The following NR5A2 variants were observed in gnomAD, a reference collection of about 807,000 sequenced individuals.
The protein encoded by NR5A2 is CYP7A promoter-binding factor.
Under a neutral mutation model 62.7 loss-of-function variants are expected in NR5A2, and 26 were observed. The observed-to-expected ratio is 0.41, with a 90% confidence interval of 0.30 to 0.58. NR5A2 has a LOEUF of 0.58. Among genes scored for constraint, NR5A2 ranks in the 20% least tolerant of loss-of-function variants. The pLI is 0.22. For synonymous variants in NR5A2, 246 were observed against 241.7 expected (o/e 1.02, Z -0.16); for missense variants, 541 against 669.1 (o/e 0.81, Z 2.11).
At chr1:200,099,418 C>T (rs954012780) in intron 5 of NR5A2, among the ~76,000 whole-genome samples, 5 of 151,774 alleles carry the variant, frequency 3.3e-5, no homozygotes, top group South Asian at 2.1e-4. Context: ...AAGGGAGCCA[C>T]GGAGCATGCC....
intron 7 of NR5A2, among the ~76,000 whole-genome samples, chr1:200,135,883 C>A (rs964080475): frequency 6.6e-6 from 1 of 152,172 alleles, no homozygotes; most frequent in Non-Finnish European, 1.5e-5. Context: ...TTCTCAGATA[C>A]AATCTTTGGT....
chr1:200,174,247 A>C lies in NR5A2; in HGVS notation c.*37A>C. 6.7e-7 allele frequency: 1 copy of C among 1,498,160 alleles called. No individual in the cohort carries two copies. The highest frequency in any genetic ancestry group is 1.5e-5 in the South Asian group (1 of 68,814). 92.8% of individuals were successfully genotyped at this position (1,498,160 alleles called of 1,614,324 possible). A position where few individuals can be genotyped will look rare whatever the true frequency, so the allele number is the denominator to read the frequency against. On this transcript the variant is annotated 3_prime_UTR_variant, in exon 8 of 8. Transcript: ENST00000367362. ...TAGGAGCTCTGCTTTCAAAACAAAA[A>C]GAGATTGGGGGAGTGGGGAGGGGGA... is the stretch of plus-strand genomic sequence containing the variant.
intron 7 of NR5A2, among the ~76,000 whole-genome samples, chr1:200,135,456 G>A (rs1392997034): frequency 2.0e-5 from 3 of 152,048 alleles, no homozygotes; most frequent in Non-Finnish European, 2.9e-5. Context: ...GGGAGGTGGA[G>A]GTTGCGGCAA....
chr1:200,043,719 A>G, intron 2 of NR5A2, 55 bp from the exon 3 acceptor site: 2 of 1,139,656 alleles, frequency 1.8e-6, no homozygotes, highest in East Asian at 2.4e-5. Flanking sequence ...TTGCAGGATT[A>G]ACACCTACAT....
At chr1:200,053,951 G>A (rs527680343) in intron 5 of NR5A2, 8 of 152,356 alleles carry the variant, frequency 5.3e-5, no homozygotes, top group African/African-American at 7.2e-5. Flanking sequence ...GTGCTCTGCC[G>A]TTAAAGCGGC....
chr1:200,128,674 C>T (rs776509249), intron 7 of NR5A2, among the ~76,000 whole-genome samples: 10 of 152,112 alleles, frequency 6.6e-5, no homozygotes, highest in South Asian at 2.1e-4. Context: ...TTTAGGTGGA[C>T]GAGCTCCCTG....
chr1:200,143,638 A>AT (rs11285826), intron 7 of NR5A2, among the ~76,000 whole-genome samples: 3,413 of 103,292 alleles, frequency 0.033, 160 homozygotes, highest in African/African-American at 0.082. Context: ...ATTGTTCATA[A>AT]TTTTTTTTTT....
intron 5 of NR5A2, among the ~76,000 whole-genome samples, chr1:200,053,417 C>A (rs1303730568): frequency 6.6e-6 from 1 of 152,136 alleles, no homozygotes; most frequent in East Asian, 1.9e-4. Flanking sequence ...TTTGACCCTA[C>A]CTCTTTTTAC....
chr1:200,164,027 A>G (rs963006852), intron 7 of NR5A2, among the ~76,000 whole-genome samples: 1 of 151,870 alleles, frequency 6.6e-6, no homozygotes, highest in African/African-American at 2.4e-5. Flanking sequence ...TCTTGGTGAT[A>G]GTGAGTTCTT....
At chr1:200,075,034 T>C (rs1473963755) in intron 5 of NR5A2, among the ~76,000 whole-genome samples, 1 of 152,142 alleles carries the variant, frequency 6.6e-6, no homozygotes, top group African/African-American at 2.4e-5. Context: ...GAAAAATAAG[T>C]CTTAGAATTA....
intron 5 of NR5A2, among the ~76,000 whole-genome samples, chr1:200,063,730 T>C (rs188127060): frequency 1.3e-5 from 2 of 152,320 alleles, no homozygotes; most frequent in African/African-American, 4.8e-5. Context: ...CCCTAAAACA[T>C]TTCAGCCATA....
chr1:200,110,349 A>C (rs1430901034), intron 5 of NR5A2, among the ~76,000 whole-genome samples: 4 of 152,236 alleles, frequency 2.6e-5, no homozygotes, highest in Non-Finnish European at 5.9e-5. Context: ...GAAATGGATA[A>C]ATATGCTGTC....
intron 5 of NR5A2, among the ~76,000 whole-genome samples, chr1:200,085,657 T>C (rs913327700): frequency 7.4e-6 from 1 of 134,376 alleles, no homozygotes; most frequent in African/African-American, 3.0e-5. Flanking sequence ...AATGAAGACC[T>C]ATCTCAAAAA....
Position 200,045,488 on chromosome 1 carries a change from A to G in NR5A2, c.367A>G (p.Ile123Val), listed in dbSNP as rs1032210572. The change falls in exon 4 of 8, where the codon ATA becomes GTA. Residue 123 changes from isoleucine to valine, a missense_variant. Coordinates refer to ENST00000367362, the MANE Select transcript of NR5A2 (RefSeq NM_205860.3). The part of the protein sequence containing the change: ...TVQNNKRYTC[I>V]ENQNCQIDKT... ...CCAAAATAATAAAAGGTACACATGT[A>G]TAGAAAACCAGAACTGCCAAATTGA... 2.5e-6 allele frequency: 4 copies of G among 1,612,986 alleles called. No homozygotes were observed. Among genetic ancestry groups the G allele is most frequent in the African/African-American group, 1.3e-5 (1 of 74,900 alleles).
chr1:200,038,702 TC>T, intron 1 of NR5A2: 1 of 1,366,136 alleles, frequency 7.3e-7, no homozygotes, highest in Non-Finnish European at 9.8e-7. Context: ...TCCCCTCAGA[TC>T]GAGGAAATTG....
intron 5 of NR5A2, among the ~76,000 whole-genome samples, chr1:200,101,754 G>A (rs892700348): frequency 8.5e-5 from 13 of 152,080 alleles, no homozygotes; most frequent in African/African-American, 3.1e-4. Flanking sequence ...CCAGGACTGC[G>A]GTGACAAAAT....
chr1:200,041,846 G>A (rs747978757), intron 2 of NR5A2, among the ~76,000 whole-genome samples: 1 of 152,284 alleles, frequency 6.6e-6, no homozygotes, highest in South Asian at 2.1e-4. Flanking sequence ...GGGTCCCCGA[G>A]GTAGGCACGG....
At chr1:200,060,444 T>C (rs904873339) in intron 5 of NR5A2, among the ~76,000 whole-genome samples, 1 of 152,150 alleles carries the variant, frequency 6.6e-6, no homozygotes, top group African/African-American at 2.4e-5. Context: ...CAGTGGCATT[T>C]TCCAAGGGTG....
chr1:200,117,965 C>T (rs1430381847), intron 6 of NR5A2, among the ~76,000 whole-genome samples: 1 of 150,530 alleles, frequency 6.6e-6, no homozygotes, highest in Non-Finnish European at 1.5e-5. Flanking sequence ...CCACCCGTCT[C>T]GGCCTCCCAA....
Sources: allele counts gnomAD v4.1 joint callset (sites outside exome capture counted in the v4.1 genomes callset), GRCh38; gene constraint gnomAD v4.1.1; transcripts MANE v1.5; gene names NCBI Gene and HGNC (gene_info 2026-07-23, HGNC 2026-07-21).